CCDC148: variants seen among roughly 807,000 people sequenced by gnomAD.
The protein encoded by CCDC148 is coiled-coil domain containing 148, also known as coiled-coil domain-containing protein 148.
In CCDC148, 89 loss-of-function variants were observed where a neutral mutation model predicts 85.7. The ratio of observed to expected loss-of-function variants is 1.04; its 90% CI spans 0.87 to 1.24. The LOEUF (loss-of-function observed/expected upper bound fraction) is 1.24, where lower values mean the gene tolerates loss of function less well. CCDC148 is among the 50% of genes most tolerant of loss of function. The pLI is 0.00. For missense variants in CCDC148, 692 were observed against 671.7 expected, an observed-to-expected ratio of 1.03 and a Z score of -0.33; for synonymous variants, 230 against 213.9, an observed-to-expected ratio of 1.08 and a Z score of -0.66.
rs1421966214 is a variant in CCDC148, at chr2:158,338,752, A to G, written c.738T>C (p.Phe246=). 1.9e-6 allele frequency: 3 copies of G among 1,608,130 alleles called. No homozygotes were observed. In the South Asian group the frequency reaches 3.3e-5, roughly 18 times the overall value. Residue 246 remains phenylalanine, a synonymous_variant, in exon 7 of 14, where the codon TTT becomes TTC. Transcript: ENST00000283233. ...TQKYQKKLQD[F]NLQLEDIYRN... is the part of the protein sequence containing the mutation. ...TGTATATGTCTTCCAACTGCAGATT[A>G]AAGTCTTGAAGCTTCTTCTGATATT...
chr2:158,323,124 G>T (rs1692596922), intron 7 of CCDC148, among the ~76,000 whole-genome samples: 1 of 152,074 alleles, frequency 6.6e-6, no homozygotes, highest in Non-Finnish European at 1.5e-5. Context: ...CAAAAACACT[G>T]AATAAAGAAA....
chr2:158,250,107 G>A lies in CCDC148; in HGVS notation c.1251+665C>T, dbSNP rs143795414. Among the ~76,000 whole-genome samples, 761 of 152,032 alleles carry A rather than the reference G, an allele frequency of 5.0e-3. 5 individuals are homozygous for A. Among genetic ancestry groups the A allele is most frequent in the African/African-American group, 0.018 (727 of 41,514 alleles). On this transcript the variant is annotated intron_variant, in intron 10 of 13. Coordinates refer to ENST00000283233, the MANE Select transcript of CCDC148 (RefSeq NM_138803.4). The stretch of plus-strand genomic sequence containing the variant: ...TATGGCAAATTTCATAATTTTTGTG[G>A]TGGGAAAAAACATAAATGCCTAAAT...
intron 9 of CCDC148, among the ~76,000 whole-genome samples, chr2:158,293,775 C>T (rs1691005426): frequency 6.6e-6 from 1 of 152,164 alleles, no homozygotes; most frequent in Non-Finnish European, 1.5e-5. Flanking sequence ...GCTAGTTGTC[C>T]CTGTTATTTT....
At chr2:158,245,931 A>T (rs1380308440) in intron 10 of CCDC148, among the ~76,000 whole-genome samples, 1 of 152,198 alleles carries the variant, frequency 6.6e-6, no homozygotes, top group Non-Finnish European at 1.5e-5. Flanking sequence ...AAAACTATGA[A>T]AACTGTAACT....
At chr2:158,278,205 G>A (rs1231221094) in intron 9 of CCDC148, among the ~76,000 whole-genome samples, 1 of 152,174 alleles carries the variant, frequency 6.6e-6, no homozygotes, top group African/African-American at 2.4e-5. Context: ...TGACGCAGAA[G>A]ACGGGTGATT....
At chr2:158,369,805 G>A (rs534195905) in intron 1 of CCDC148, among the ~76,000 whole-genome samples, 9 of 152,210 alleles carry the variant, frequency 5.9e-5, no homozygotes, top group Non-Finnish European at 7.4e-5. Context: ...TTAGCTGTGG[G>A]TTTGTCATAA....
In CCDC148 at chr2:158,412,843, T is replaced by C. The variant is rs1012731570; in HGVS notation, c.25+43572A>G. ...TATAAGTATTTATTATTATTATTAT[T>C]ATTATTATTATTATTATTATTATTA... is the stretch of plus-strand genomic sequence containing the variant. On this transcript the variant is annotated intron_variant, in intron 1 of 13. Transcript: ENST00000283233. Among the ~76,000 whole-genome samples, 348 of 134,168 alleles carry C rather than the reference T, an allele frequency of 2.6e-3. 2 individuals are homozygous for C. Among genetic ancestry groups the C allele is most frequent in the African/African-American group, 8.6e-3 (339 of 39,360 alleles). The allele number at this position is 134,168 out of a possible 152,430, so 88.0% of individuals were successfully genotyped here.
In CCDC148 at chr2:158,406,357, C is replaced by T. The variant is rs147202586; in HGVS notation, c.26-47787G>A. 5.3e-5 allele frequency among the ~76,000 whole-genome samples: 8 copies of T among 152,112 alleles called. No homozygotes were observed. The East Asian group carries it at 1.6e-3, about 29-fold the overall frequency. ...TGGAGAGAAATGGGCACTGATATCC[C>T]AACTACATGGTGCTCGCTAGGCCAC... is the stretch of plus-strand genomic sequence containing the variant. On this transcript the variant is annotated intron_variant, in intron 1 of 13. Coordinates refer to ENST00000283233, the MANE Select transcript of CCDC148 (RefSeq NM_138803.4).
intron 11 of CCDC148, 35 bp from the exon 12 acceptor site, chr2:158,179,031 A>T (rs750100951): frequency 1.3e-6 from 2 of 1,488,126 alleles, no homozygotes; most frequent in Non-Finnish European, 1.9e-6. Flanking sequence ...TTGTGGAAGC[A>T]TCATAATAAT....
chr2:158,298,118 A>G (rs1383531912), intron 9 of CCDC148, among the ~76,000 whole-genome samples: 1 of 152,190 alleles, frequency 6.6e-6, no homozygotes, highest in East Asian at 1.9e-4. Context: ...AGCCCCTTAT[A>G]AAACCATCAG....
intron 11 of CCDC148, among the ~76,000 whole-genome samples, chr2:158,216,022 T>C (rs898734625): frequency 6.6e-6 from 1 of 152,232 alleles, no homozygotes; most frequent in Non-Finnish European, 1.5e-5. Context: ...TAAATTTCTG[T>C]TGTTCAAGTC....
At chr2:158,220,513 C>G in intron 11 of CCDC148, 82 bp downstream of exon 11, 1 of 916,214 alleles carries the variant, frequency 1.1e-6, no homozygotes, top group Non-Finnish European at 1.7e-6. Context: ...AAAAAGTTCC[C>G]TCTGATATTA....
chr2:158,197,662 C>G (rs1685744718), intron 11 of CCDC148, among the ~76,000 whole-genome samples: 1 of 152,090 alleles, frequency 6.6e-6, no homozygotes, highest in African/African-American at 2.4e-5. Flanking sequence ...TTGTGTTTGT[C>G]TAATCTCATT....
chr2:158,267,406 C>T (rs1005478658), intron 9 of CCDC148, among the ~76,000 whole-genome samples: 2 of 152,164 alleles, frequency 1.3e-5, no homozygotes, highest in Non-Finnish European at 2.9e-5. Flanking sequence ...CTTGGTATTA[C>T]CACCATATCG....
chr2:158,238,524 T>C (rs1314561899), intron 10 of CCDC148, among the ~76,000 whole-genome samples: 1 of 152,146 alleles, frequency 6.6e-6, no homozygotes, highest in African/African-American at 2.4e-5. Flanking sequence ...AAGAAGGTAT[T>C]TTTTATCTGT....
chr2:158,451,897 G>A (rs918322646), intron 1 of CCDC148, among the ~76,000 whole-genome samples: 1 of 152,066 alleles, frequency 6.6e-6, no homozygotes, highest in Non-Finnish European at 1.5e-5. Flanking sequence ...GCCTTGGATG[G>A]CAAGGAACAG....
intron 1 of CCDC148, among the ~76,000 whole-genome samples, chr2:158,401,014 C>T (rs1685756534): frequency 6.6e-6 from 1 of 152,108 alleles, no homozygotes; most frequent in Non-Finnish European, 1.5e-5. Context: ...TCATCTCACG[C>T]CAGTTAGAAT....
chr2:158,240,033 G>T (rs963721437), intron 10 of CCDC148, among the ~76,000 whole-genome samples: 1 of 151,896 alleles, frequency 6.6e-6, no homozygotes, highest in Admixed American at 6.6e-5. Flanking sequence ...CAAAAGGGAG[G>T]GTAGGAAGCA....
intron 1 of CCDC148, chr2:158,447,207 G>T (rs1688194823): frequency 1.3e-5 from 2 of 152,188 alleles, no homozygotes; most frequent in South Asian, 4.1e-4. Context: ...GGCGTGCAGT[G>T]GTATCGATAT....
Sources: allele counts gnomAD v4.1 joint callset (sites outside exome capture counted in the v4.1 genomes callset), GRCh38; gene constraint gnomAD v4.1.1; transcripts MANE v1.5; gene names NCBI Gene and HGNC (gene_info 2026-07-23, HGNC 2026-07-21).